Variants in PPFIA2 observed in about 807,000 individuals in gnomAD.
PPFIA2 encodes PPFI scaffold protein A2.
PPFIA2 carries 46 observed loss-of-function variants against 175.5 expected under a neutral mutation model. The observed-to-expected ratio is 0.26, with a 90% CI of 0.21 to 0.34. The LOEUF (loss-of-function observed/expected upper bound fraction) is 0.34. Ranked by LOEUF, PPFIA2 falls within the 10% of genes least tolerant of loss-of-function variation. The pLI is 1.00. For synonymous variants in PPFIA2, 568 were observed against 511.4 expected (o/e 1.11, Z -1.49); for missense variants, 1,179 against 1,506.1 (o/e 0.78, Z 3.60).
chr12:81,660,851 G>C (rs1051881965), intron 4 of PPFIA2, among the ~76,000 whole-genome samples: 4 of 152,112 alleles, frequency 2.6e-5, no homozygotes, highest in Non-Finnish European at 5.9e-5. Context: ...TGGATCTCTC[G>C]GCAGAAACTC....
At chr12:81,439,902 G>T in intron 7 of PPFIA2, 70 bp downstream of exon 7, 1 of 1,202,628 alleles carries the variant, frequency 8.3e-7, no homozygotes, top group South Asian at 1.3e-5. Flanking sequence ...TAATAAAAGT[G>T]ACGTGAAACA....
At chr12:81,602,924 T>G (rs527669013) in intron 4 of PPFIA2, among the ~76,000 whole-genome samples, 117 of 151,982 alleles carry the variant, frequency 7.7e-4, no homozygotes, top group African/African-American at 2.6e-3. Flanking sequence ...TTTAAATAAC[T>G]ATCAAACATC....
intron 4 of PPFIA2, among the ~76,000 whole-genome samples, chr12:81,486,229 G>T (rs2058802735): frequency 6.6e-6 from 1 of 151,512 alleles, no homozygotes; most frequent in Non-Finnish European, 1.5e-5. Flanking sequence ...TAGGGAAATA[G>T]TGGCACAAAG....
At chr12:81,329,634 C>T (rs1386960780) in intron 21 of PPFIA2, among the ~76,000 whole-genome samples, 1 of 152,112 alleles carries the variant, frequency 6.6e-6, no homozygotes, top group Non-Finnish European at 1.5e-5. Flanking sequence ...AGGGTCAGAC[C>T]ACTGTCTCAG....
In PPFIA2 at chr12:81,324,668, TA is replaced by T. The variant is rs1474227049; in HGVS notation, c.2642+1108del. 3.9e-5 allele frequency among the ~76,000 whole-genome samples: 6 copies of T among 152,154 alleles called. No homozygotes were observed. In the South Asian group the frequency reaches 1.2e-3, roughly 32 times the overall value. ...CGAAGACATTTGAAAAAGATTATGA[TA>T]ATATTTAAATATATTTTTGAGTGAT... On this transcript the variant is annotated intron_variant, in intron 22 of 32. Transcript: ENST00000549396.
intron 5 of PPFIA2, 119 bp from the exon 6 acceptor site, chr12:81,445,839 CA>C: frequency 1.1e-6 from 1 of 874,998 alleles, no homozygotes; most frequent in Non-Finnish European, 1.7e-6. Flanking sequence ...CTGCAGGTTA[CA>C]CTGCAAGCAG....
intron 22 of PPFIA2, among the ~76,000 whole-genome samples, chr12:81,317,644 C>A (rs1341483918): frequency 6.6e-6 from 1 of 151,606 alleles, no homozygotes; most frequent in Non-Finnish European, 1.5e-5. Context: ...GTAGAAATCA[C>A]TGCCCTAACT....
intron 11 of PPFIA2, among the ~76,000 whole-genome samples, chr12:81,371,594 G>A (rs2035109902): frequency 2.0e-5 from 3 of 151,308 alleles, no homozygotes; most frequent in Admixed American, 1.3e-4. Flanking sequence ...CACCAAAATT[G>A]TGAAAATTCC....
chr12:81,684,395 T>G (rs1221217740), intron 3 of PPFIA2, among the ~76,000 whole-genome samples: 1 of 152,052 alleles, frequency 6.6e-6, no homozygotes, highest in Non-Finnish European at 1.5e-5. Flanking sequence ...AAGAACAATG[T>G]AGTCAAGAGT....
chr12:81,351,279 ATT>A (rs1240334351), intron 17 of PPFIA2, among the ~76,000 whole-genome samples: 1 of 152,134 alleles, frequency 6.6e-6, no homozygotes, highest in Admixed American at 6.6e-5. Flanking sequence ...TAATAAAGAT[ATT>A]TGTTAGGCTA....
chr12:81,614,276 T>C (rs1306573293), intron 4 of PPFIA2, among the ~76,000 whole-genome samples: 2 of 152,076 alleles, frequency 1.3e-5, no homozygotes, highest in Non-Finnish European at 2.9e-5. Flanking sequence ...AAGCAGATGT[T>C]TTCGTGCTCT....
chr12:81,514,199 G>T (rs1374993932), intron 4 of PPFIA2, among the ~76,000 whole-genome samples: 1 of 151,710 alleles, frequency 6.6e-6, no homozygotes, highest in Non-Finnish European at 1.5e-5. Context: ...CAGTATATAG[G>T]GTCAGTGCAA....
chr12:81,567,874 A>G (rs1417870759), intron 4 of PPFIA2, among the ~76,000 whole-genome samples: 2 of 152,304 alleles, frequency 1.3e-5, no homozygotes, highest in Admixed American at 1.3e-4. Context: ...GAAAATGTAA[A>G]CCTTCACATT....
At chr12:81,405,332 T>C (rs762756126) in intron 8 of PPFIA2, among the ~76,000 whole-genome samples, 3 of 152,100 alleles carry the variant, frequency 2.0e-5, no homozygotes, top group Non-Finnish European at 2.9e-5. Flanking sequence ...ATTTTCGCAG[T>C]CATAAACAAC....
chr12:81,328,525 C>T (rs2055336465), intron 21 of PPFIA2, among the ~76,000 whole-genome samples: 1 of 152,132 alleles, frequency 6.6e-6, no homozygotes, highest in South Asian at 2.1e-4. Context: ...ATTAATCCCA[C>T]CTATCTCTTT....
At chr12:81,619,952 G>A (rs1405172247) in intron 4 of PPFIA2, among the ~76,000 whole-genome samples, 2 of 152,058 alleles carry the variant, frequency 1.3e-5, no homozygotes, top group Non-Finnish European at 2.9e-5. Flanking sequence ...GAGGTCAGGA[G>A]GTCGAGACCA....
intron 3 of PPFIA2, among the ~76,000 whole-genome samples, chr12:81,684,940 T>C (rs1170033961): frequency 6.6e-6 from 1 of 152,070 alleles, no homozygotes; most frequent in Non-Finnish European, 1.5e-5. Flanking sequence ...GGTTAAATAC[T>C]GCCAATGCTT....
At chr12:81,304,194 A>G (rs1422648819) in intron 22 of PPFIA2, among the ~76,000 whole-genome samples, 1 of 152,136 alleles carries the variant, frequency 6.6e-6, no homozygotes, top group Non-Finnish European at 1.5e-5. Context: ...AATTTTCTCT[A>G]TAGTATCTTT....
rs78785936 is a variant in PPFIA2, at chr12:81,740,799, T to C, written c.249+13174A>G. ...AATGACTATTTTTCTGTTGGTATCA[T>C]TCCTTCTGACAGAATAACAATAAGA... On this transcript the variant is annotated intron_variant, in intron 3 of 32. Coordinates refer to ENST00000549396, the MANE Select transcript of PPFIA2 (RefSeq NM_003625.5). Among the ~76,000 whole-genome samples, 3 of 152,238 alleles carry C rather than the reference T, an allele frequency of 2.0e-5. No homozygotes were observed. In the East Asian group the frequency reaches 5.8e-4, roughly 29 times the overall value.
Sources: allele counts gnomAD v4.1 joint callset (sites outside exome capture counted in the v4.1 genomes callset), GRCh38; gene constraint gnomAD v4.1.1; transcripts MANE v1.5; gene names NCBI Gene and HGNC (gene_info 2026-07-23, HGNC 2026-07-21).